The following CD28 variants were observed in gnomAD, a reference collection of about 807,000 sequenced individuals.
CD28 encodes the protein T-cell-specific surface glycoprotein CD28.
In CD28, 8 loss-of-function variants were observed where a neutral mutation model predicts 21.4. That is an observed-to-expected ratio of 0.37 (90% CI 0.22 to 0.68). The LOEUF is 0.68. CD28 is among the 30% of genes least tolerant of loss of function. The probability of loss-of-function intolerance (pLI) is 0.55; values close to 1 mark genes in which losing one functional copy is unlikely to be tolerated. For missense variants in CD28, 239 were observed against 272.2 expected, an observed-to-expected ratio of 0.88 and a Z score of 0.86; for synonymous variants, 106 against 104.0, an observed-to-expected ratio of 1.02 and a Z score of -0.12.
rs547207957 is a variant in CD28, at chr2:203,724,529, A to G, written c.53-2104A>G. On this transcript the variant is annotated intron_variant, in intron 1 of 3. Coordinates refer to ENST00000324106, the MANE Select transcript of CD28 (RefSeq NM_006139.4). ...ATATTTTTTCATTTTAAAGTTCTTG[A>G]TATAAAGCCAGCAATGATTTTTTAA... 9.2e-5 allele frequency among the ~76,000 whole-genome samples: 14 copies of G among 152,260 alleles called. 1 individual carries two copies. The South Asian group carries it at 2.9e-3, about 32-fold the overall frequency.
chr2:203,714,027 T>C (rs1021866272), intron 1 of CD28, among the ~76,000 whole-genome samples: 1 of 151,338 alleles, frequency 6.6e-6, no homozygotes, highest in African/African-American at 2.4e-5. Flanking sequence ...ATTTGTTGCA[T>C]AGGAGATGAG....
intron 1 of CD28, among the ~76,000 whole-genome samples, chr2:203,712,407 GCCTACATTATTTTTATAAT>G (rs984271279): frequency 3.9e-5 from 6 of 152,074 alleles, no homozygotes; most frequent in African/African-American, 1.4e-4. Flanking sequence ...ACTTTGGTTT[GCCTACATTATTTTTATAAT>G]CTGAAATGTC....
At chr2:203,720,538 TG>T (rs1471079139) in intron 1 of CD28, among the ~76,000 whole-genome samples, 1 of 152,192 alleles carries the variant, frequency 6.6e-6, no homozygotes, top group Non-Finnish European at 1.5e-5. Context: ...TAGCATGAAC[TG>T]GAAAGCAAAA....
At chr2:203,731,021 TC>T (rs1204260574) in intron 3 of CD28, among the ~76,000 whole-genome samples, 25 of 152,232 alleles carry the variant, frequency 1.6e-4, no homozygotes, top group Non-Finnish European at 1.0e-4. Flanking sequence ...CCCCACATGC[TC>T]CTTGCAGTTC....
chr2:203,725,553 A>T (rs908187704), intron 1 of CD28, among the ~76,000 whole-genome samples: 1 of 152,196 alleles, frequency 6.6e-6, no homozygotes, highest in Non-Finnish European at 1.5e-5. Context: ...AATGAGATCA[A>T]TGTGTTCTCT....
chr2:203,715,609 T>G (rs1020634036), intron 1 of CD28, among the ~76,000 whole-genome samples: 10 of 152,158 alleles, frequency 6.6e-5, no homozygotes, highest in Non-Finnish European at 1.2e-4. Flanking sequence ...TTTTTAGCAA[T>G]TTTAATATTA....
chr2:203,719,964 G>A (rs1056228374), intron 1 of CD28, among the ~76,000 whole-genome samples: 6 of 152,058 alleles, frequency 3.9e-5, no homozygotes, highest in East Asian at 1.9e-4. Flanking sequence ...TAATTGACCC[G>A]TTTATAATAG....
rs772292344 is a variant in CD28, at chr2:203,737,580, G to A, written c.*2668G>A. 5.2e-5 allele frequency: 8 copies of A among 152,718 alleles called. No homozygotes were observed. The highest frequency in any genetic ancestry group is 2.1e-4 in the South Asian group (1 of 4,822). The allele number at this position is 152,718 out of a possible 1,614,324, so 9.5% of individuals were successfully genotyped here. ...GAAGAAATGTTATACAGGGAAGTCC[G>A]TTTTCACTATTAGTATGAACCAAGA... On this transcript the variant is annotated 3_prime_UTR_variant, in exon 4 of 4. Coordinates refer to ENST00000324106, the MANE Select transcript of CD28 (RefSeq NM_006139.4).
rs1694054726 is a variant in CD28, at chr2:203,736,974, G to A, written c.*2062G>A. Reference sequence around the variant, plus strand: ...ATTAAACTGGGCAATAGCCTAAGAAGGGGGGAATATTGTAACACAAATTTA... The same window carrying A: ...ATTAAACTGGGCAATAGCCTAAGAAAGGGGGAATATTGTAACACAAATTTA... On this transcript the variant is annotated 3_prime_UTR_variant, in exon 4 of 4. Coordinates refer to ENST00000324106, the MANE Select transcript of CD28 (RefSeq NM_006139.4). The A allele has an allele frequency of 6.6e-6, 1 of 152,174 alleles. No homozygotes were observed. The highest frequency in any genetic ancestry group is 2.1e-4 in the South Asian group (1 of 4,832). The allele number at this position is 152,174 out of a possible 1,614,324, so 9.4% of individuals were successfully genotyped here. A position where few individuals can be genotyped will look rare whatever the true frequency, so the allele number is the denominator to read the frequency against.
At chr2:203,709,435 G>A (rs1369963220) in intron 1 of CD28, among the ~76,000 whole-genome samples, 3 of 152,120 alleles carry the variant, frequency 2.0e-5, no homozygotes, top group African/African-American at 4.8e-5. Context: ...TTACAGCATA[G>A]CTTAAAATAT....
chr2:203,723,918 G>A lies in CD28; in HGVS notation c.53-2715G>A, dbSNP rs571253319. On this transcript the variant is annotated intron_variant, in intron 1 of 3. Coordinates refer to ENST00000324106, the MANE Select transcript of CD28 (RefSeq NM_006139.4). ...ATACCTAAGAGAGTTGAAAACATAC[G>A]TCCACACAAAAATCTGTATGCAAAT... 5.3e-5 allele frequency among the ~76,000 whole-genome samples: 8 copies of A among 152,222 alleles called. No homozygotes were observed. In the East Asian group the frequency reaches 1.2e-3, roughly 22 times the overall value.
intron 1 of CD28, among the ~76,000 whole-genome samples, chr2:203,725,782 C>T (rs554957385): frequency 6.6e-6 from 1 of 152,306 alleles, no homozygotes; most frequent in East Asian, 1.9e-4. Context: ...GCAGAAAACA[C>T]ATTAAAGCAA....
chr2:203,730,346 C>G (rs1008589008), intron 3 of CD28, among the ~76,000 whole-genome samples: 1 of 152,178 alleles, frequency 6.6e-6, no homozygotes, highest in Non-Finnish European at 1.5e-5. Context: ...TTTCTGAGCT[C>G]TCACCACTGA....
intron 1 of CD28, among the ~76,000 whole-genome samples, chr2:203,711,029 C>G (rs1693297547): frequency 6.6e-6 from 1 of 152,094 alleles, no homozygotes; most frequent in Non-Finnish European, 1.5e-5. Context: ...CTGAATGGCT[C>G]TCTGGTTAAG....
intron 3 of CD28, among the ~76,000 whole-genome samples, chr2:203,731,988 T>C (rs886257066): frequency 3.3e-5 from 5 of 152,228 alleles, no homozygotes; most frequent in African/African-American, 4.8e-5. Context: ...CAAGTTTGTC[T>C]ATATTTCGTA....
chr2:203,729,528 AAG>A (rs1693833819), intron 2 of CD28, 118 bp from the exon 3 acceptor site: 1 of 1,043,782 alleles, frequency 9.6e-7, no homozygotes, highest in African/African-American at 1.6e-5. Context: ...TATTCACTCT[AAG>A]CTGGTGATAT....
chr2:203,731,192 AC>A (rs909427770), intron 3 of CD28, among the ~76,000 whole-genome samples: 3 of 152,206 alleles, frequency 2.0e-5, no homozygotes, highest in African/African-American at 7.2e-5. Flanking sequence ...AAGTTGCCCA[AC>A]CCTGAAGGTG....
At chr2:203,709,109 C>CA (rs34357514) in intron 1 of CD28, among the ~76,000 whole-genome samples, 35,481 of 138,032 alleles carry the variant, frequency 0.26, 4,426 homozygotes, top group East Asian at 0.53. Context: ...GAAACAGTCT[C>CA]AAAAAAAAAA....
chr2:203,721,308 T>C (rs1693599216), intron 1 of CD28, among the ~76,000 whole-genome samples: 1 of 152,224 alleles, frequency 6.6e-6, no homozygotes, highest in Admixed American at 6.5e-5. Flanking sequence ...CTTTTCTGCA[T>C]AAAAGCCTTC....
Sources: allele counts gnomAD v4.1 joint callset (sites outside exome capture counted in the v4.1 genomes callset), GRCh38; gene constraint gnomAD v4.1.1; transcripts MANE v1.5; gene names NCBI Gene and HGNC (gene_info 2026-07-23, HGNC 2026-07-21).